The following OTOF variants were observed in gnomAD, a reference collection of about 807,000 sequenced individuals.
The protein encoded by OTOF is otoferlin.
Under a neutral mutation model 236.8 loss-of-function variants are expected in OTOF, and 218 were observed. The ratio of observed to expected loss-of-function variants is 0.92; its 90% CI spans 0.82 to 1.03. OTOF has a LOEUF of 1.03. Among genes scored for constraint, OTOF ranks in the 50% least tolerant of loss-of-function variants. OTOF has a pLI of 0.00. For missense variants in OTOF, 2,590 were observed against 2,694.4 expected (o/e 0.96, Z 0.86); for synonymous variants, 1,041 against 1,072.5 (o/e 0.97, Z 0.57).
chr2:26,458,144 A>G lies in OTOF; in HGVS notation c.*94T>C. 3 of 1,614,106 alleles carry G rather than the reference A, an allele frequency of 1.9e-6. No homozygotes were observed. The highest frequency in any genetic ancestry group is 2.5e-6 in the Non-Finnish European group (3 of 1,179,968). On this transcript the variant is annotated 3_prime_UTR_variant, in exon 47 of 47. Coordinates refer to ENST00000272371, the MANE Select transcript of OTOF (RefSeq NM_194248.3). ...GCCAGCACGATCTTGATGATGAGCC[A>G]CTTGTACCGGGTGCAGATGAGGTAC... is the stretch of plus-strand genomic sequence containing the variant.
chr2:26,482,462 A>C lies in OTOF; in HGVS notation c.1523T>G (p.Val508Gly). 6.2e-7 allele frequency: 1 copy of C among 1,613,324 alleles called. No individual in the cohort carries two copies. The highest frequency in any genetic ancestry group is 8.5e-7 in the Non-Finnish European group (1 of 1,180,018). ...QIRDSDKVNDVAIGTHFIDLR... is the reference protein window; with the variant it reads ...QIRDSDKVNDGAIGTHFIDLR... ...GTCAATGAAGTGGGTGCCGATGGCC[A>C]CGTCGTTGACCTTGTCCGAGTCTCG... The change falls in exon 14 of 47, where the codon GTG (valine) becomes GGG (glycine). Residue 508 changes from valine (V) to glycine (G), a missense_variant. Coordinates refer to ENST00000272371, the MANE Select transcript of OTOF (RefSeq NM_194248.3).
intron 11 of OTOF, among the ~76,000 whole-genome samples, chr2:26,486,181 G>A (rs1254473645): frequency 1.3e-5 from 2 of 151,344 alleles, no homozygotes; most frequent in Non-Finnish European, 2.9e-5. Flanking sequence ...TGGATATATG[G>A]GTGGGTGGAT....
chr2:26,467,353 C>G lies in OTOF; in HGVS notation c.4227+12G>C. The stretch of plus-strand genomic sequence containing the variant: ...CCACACACCCTAGAAGGGTCTGCTC[C>G]TAGGCTCTCACCTTAAGCTCATCAA... On this transcript the variant is annotated intron_variant, in intron 34 of 46. Transcript: ENST00000272371. 6.2e-7 allele frequency: 1 copy of G among 1,613,820 alleles called. No individual in the cohort carries two copies. The highest frequency in any genetic ancestry group is 8.5e-7 in the Non-Finnish European group (1 of 1,179,996).
At chr2:26,530,129 T>C (rs115070841) in intron 2 of OTOF, among the ~76,000 whole-genome samples, 2,281 of 150,356 alleles carry the variant, frequency 0.015, 57 homozygotes, top group African/African-American at 0.053. Context: ...GGGTGATTGG[T>C]CCCCCTGAGG....
chr2:26,462,041 C>T lies in OTOF; in HGVS notation c.5291+42G>A, dbSNP rs1664490416. ...TCTCCTGCCCCCCGGGAAGCAAGCC[C>T]CACCCAGCTCAGTCCCTCCCATGCA... On this transcript the variant is annotated intron_variant, in intron 42 of 46. Coordinates refer to ENST00000272371, the MANE Select transcript of OTOF (RefSeq NM_194248.3). This position sits in a 1 kb window ranked among gnomAD's most constrained non-coding sequence, Gnocchi z 4.7. 1 of 1,607,958 alleles carries T rather than the reference C, an allele frequency of 6.2e-7. No individual in the cohort carries two copies. Among genetic ancestry groups the T allele is most frequent in the African/African-American group, 1.3e-5 (1 of 74,762 alleles).
At chr2:26,549,944 G>A (rs1667419151) in intron 1 of OTOF, among the ~76,000 whole-genome samples, 1 of 152,198 alleles carries the variant, frequency 6.6e-6, no homozygotes, top group South Asian at 2.1e-4. Context: ...CGGTGACAGA[G>A]GAGCTTGTGG....
chr2:26,518,938 G>T, intron 4 of OTOF, 72 bp downstream of exon 4: 1 of 1,068,478 alleles, frequency 9.4e-7, no homozygotes, highest in South Asian at 1.3e-5. Flanking sequence ...CACCCCATGT[G>T]TGAGGCAGGG....
intron 11 of OTOF, among the ~76,000 whole-genome samples, chr2:26,486,387 T>A (rs1343220762): frequency 6.6e-6 from 1 of 151,816 alleles, no homozygotes. Context: ...AATGGATGGA[T>A]ACATGGATGG....
chr2:26,473,670 G>A lies in OTOF; in HGVS notation c.3409-103C>T. ...CCAATAGGGAACCGGGCAGTGGGAT[G>A]GGCAGTAGTTCACCCCAGATTTCAA... On this transcript the variant is annotated intron_variant, in intron 27 of 46. Coordinates refer to ENST00000272371, the MANE Select transcript of OTOF (RefSeq NM_194248.3). The surrounding 1 kb of genome is among the most constrained non-coding windows in gnomAD (Gnocchi z 7.2). 5.8e-6 allele frequency: 7 copies of A among 1,208,478 alleles called. No homozygotes were observed. The South Asian group carries it at 8.7e-5, about 15-fold the overall frequency. The allele number at this position is 1,208,478 out of a possible 1,614,324, so 74.9% of individuals were successfully genotyped here.
rs749059780 is a variant in OTOF at position 26,466,678 on chromosome 2, G to A, written c.4500+36C>T. ...GCTCTCTCCCAGATGGGAGGATGAG[G>A]AGACTTGCAAGGAGGGAAAGCGACG... On this transcript the variant is annotated intron_variant, in intron 36 of 46. Transcript: ENST00000272371. 9 of 1,613,118 alleles carry A rather than the reference G, an allele frequency of 5.6e-6. No individual in the cohort carries two copies. The Admixed American group carries it at 6.7e-5, about 12-fold the overall frequency.
Position 26,462,670 on chromosome 2 carries a change from G to GC in OTOF, c.5193-490dup, listed in dbSNP as rs1664537007. On this transcript the variant is annotated intron_variant, in intron 41 of 46. Coordinates refer to ENST00000272371, the MANE Select transcript of OTOF (RefSeq NM_194248.3). This position sits in a 1 kb window ranked among gnomAD's most constrained non-coding sequence, Gnocchi z 4.7. ...CCCAGAGTGGCCCAGTGAGTTGGGT[G>GC]CCCCCTAATGACAGGCCCTGGAACA... Among the ~76,000 whole-genome samples, 1 of 152,216 alleles carries GC rather than the reference G, an allele frequency of 6.6e-6. No homozygotes were observed. The highest frequency in any genetic ancestry group is 2.4e-5 in the African/African-American group (1 of 41,446).
At chr2:26,516,230 C>G (rs1348212294) in intron 5 of OTOF, among the ~76,000 whole-genome samples, 188 bp downstream of exon 5, 1 of 152,192 alleles carries the variant, frequency 6.6e-6, no homozygotes, top group Non-Finnish European at 1.5e-5. Flanking sequence ...TGCCCAGTGA[C>G]CTCGGGGGTG....
rs1394616588 is a variant in OTOF, at chr2:26,473,428, G to A, written c.3548C>T (p.Thr1183Ile). ...HNYKKNPNFN[T>I]LVKWFEVDLP... ...CACCACTTCAAACCACTTGACGAGGGTGTTGAAGTTGGGGTTCTTCTTATA... is the reference window on the plus strand; with the variant it reads ...CACCACTTCAAACCACTTGACGAGGATGTTGAAGTTGGGGTTCTTCTTATA... Residue 1183 changes from threonine (T) to isoleucine (I), a missense_variant, in exon 28 of 47, where the codon ACC (threonine) becomes ATC (isoleucine). Physicochemically the swap from Thr to Ile is moderately conservative, Grantham distance 89. Around this residue, in one of 2 missense-constraint regions of OTOF, gnomAD observed 1,211 missense variants for 1,352.8 expected, o/e 0.90. Transcript: ENST00000272371. This position sits in a 1 kb window ranked among gnomAD's most constrained non-coding sequence, Gnocchi z 7.2. The A allele has an allele frequency of 2.5e-6, 4 of 1,613,380 alleles. No homozygotes were observed. Among genetic ancestry groups the A allele is most frequent in the Non-Finnish European group, 1.7e-6 (2 of 1,180,014 alleles).
intron 41 of OTOF, among the ~76,000 whole-genome samples, chr2:26,463,175 A>T (rs1034470730): frequency 6.6e-6 from 1 of 152,042 alleles, no homozygotes; most frequent in Non-Finnish European, 1.5e-5. Flanking sequence ...ATGCATGTGT[A>T]TGGGCGCGTA....
intron 8 of OTOF, among the ~76,000 whole-genome samples, chr2:26,500,550 G>A (rs1166216366): frequency 1.3e-5 from 2 of 152,180 alleles, no homozygotes; most frequent in African/African-American, 4.8e-5. Context: ...TGGCAGAGGT[G>A]AGGGGCCGGC....
intron 13 of OTOF, among the ~76,000 whole-genome samples, chr2:26,482,999 G>A (rs760963408): frequency 4.2e-5 from 2 of 48,008 alleles, no homozygotes; most frequent in Non-Finnish European, 8.6e-5. Context: ...GTGGGTGCAT[G>A]TGTGCATGTG....
chr2:26,458,653 A>G (rs116219623), intron 46 of OTOF, among the ~76,000 whole-genome samples: 7 of 152,264 alleles, frequency 4.6e-5, no homozygotes, highest in Non-Finnish European at 1.0e-4. Flanking sequence ...GTGGGGTGCA[A>G]GCTGCCCTCA....
rs549392104 is a variant in OTOF, at chr2:26,467,674, C to G, written c.4091-173G>C. Among the ~76,000 whole-genome samples, 60 of 152,262 alleles carry G rather than the reference C, an allele frequency of 3.9e-4. No individual in the cohort carries two copies. In the South Asian group the frequency reaches 4.3e-3, roughly 11 times the overall value. On this transcript the variant is annotated intron_variant, in intron 33 of 46. Transcript: ENST00000272371. ...GCCCGCCTCATGGAGGTGCTGGGGG[C>G]CCCAGTGGGTTTATGCCCGGGAAGG...
At position 26,465,700 on chromosome 2, in the gene OTOF, T is replaced by C. The variant is rs752497265; in HGVS notation, c.4771A>G (p.Thr1591Ala). ...GAGTAGGTCTGGGCGATGCCGCAGG[T>C]GGCGCGGTGCTTGCTGTAGAAGCGG... is the stretch of plus-strand genomic sequence containing the variant. Reference protein sequence around the residue: ...ENRFYSKHRATCGIAQTYSTH... With the variant: ...ENRFYSKHRAACGIAQTYSTH... Residue 1591 changes from threonine (T) to alanine (A), a missense_variant, in exon 38 of 47, where the codon ACC becomes GCC. Transcript: ENST00000272371. 2.5e-6 allele frequency: 4 copies of C among 1,614,082 alleles called. No homozygotes were observed. The African/African-American group carries it at 5.3e-5, about 22-fold the overall frequency.
Sources: gnomAD v4.1 joint callset for allele counts (sites outside exome capture counted in the v4.1 genomes callset) on GRCh38, gnomAD v4.1.1 for gene constraint, gnomAD v4.1.1 regional missense constraint, Gnocchi (gnomAD v3.1) non-coding constraint, MANE v1.5 for transcripts, NCBI Gene and HGNC (gene_info 2026-07-23, HGNC 2026-07-21) for gene names.